PARD3B: variants seen among roughly 807,000 people sequenced by gnomAD.
PARD3B encodes par-3 family cell polarity regulator beta.
Under a neutral mutation model 130.2 loss-of-function variants are expected in PARD3B, and 103 were observed. That is an observed-to-expected ratio of 0.79 (90% CI 0.67 to 0.93). The LOEUF is 0.93. Among genes scored for constraint, PARD3B ranks in the 40% least tolerant of loss-of-function variants. PARD3B has a pLI of 0.00. For missense variants in PARD3B, 1,609 were observed against 1,499.2 expected (o/e 1.07, Z -1.21); for synonymous variants, 583 against 553.2 (o/e 1.05, Z -0.76).
intron 18 of PARD3B, among the ~76,000 whole-genome samples, chr2:205,320,175 AAGAGAGAGAG>A (rs56949957): frequency 7.9e-6 from 1 of 126,426 alleles, no homozygotes; most frequent in African/African-American, 3.1e-5. Flanking sequence ...GAAAGAAAGA[AAGAGAGAGAG>A]AGAGAGAGGA....
intron 2 of PARD3B, among the ~76,000 whole-genome samples, chr2:204,802,500 CA>C (rs2042607050): frequency 6.6e-6 from 1 of 152,062 alleles, no homozygotes; most frequent in South Asian, 2.1e-4. Flanking sequence ...GGTATATACC[CA>C]AAGGATTATA....
At chr2:204,938,259 TC>T (rs1371699609) in intron 2 of PARD3B, among the ~76,000 whole-genome samples, 1 of 152,188 alleles carries the variant, frequency 6.6e-6, no homozygotes, top group African/African-American at 2.4e-5. Context: ...TCCTCTACCC[TC>T]CTGTGGGCCA....
intron 4 of PARD3B, among the ~76,000 whole-genome samples, chr2:205,093,097 G>T (rs1702204811): frequency 6.6e-6 from 1 of 152,102 alleles, no homozygotes; most frequent in African/African-American, 2.4e-5. Context: ...AACTTCGAAT[G>T]CAGAGACAGT....
At chr2:204,938,449 C>T (rs1575362622) in intron 2 of PARD3B, among the ~76,000 whole-genome samples, 2 of 152,212 alleles carry the variant, frequency 1.3e-5, no homozygotes, top group Admixed American at 1.3e-4. Context: ...CATCTTTTAG[C>T]TCTCAGCTTA....
intron 18 of PARD3B, among the ~76,000 whole-genome samples, chr2:205,364,240 C>T (rs1376272588): frequency 2.6e-5 from 4 of 152,198 alleles, no homozygotes; most frequent in Non-Finnish European, 5.9e-5. Flanking sequence ...AGCTTCAAGA[C>T]TCTGAAGTCC....
chr2:204,555,298 C>G (rs979091943), intron 1 of PARD3B, among the ~76,000 whole-genome samples: 2 of 152,130 alleles, frequency 1.3e-5, no homozygotes, highest in African/African-American at 4.8e-5. Flanking sequence ...GTGGCTCACA[C>G]CTGTAATCCT....
chr2:205,000,243 G>A (rs1276932073), intron 3 of PARD3B, among the ~76,000 whole-genome samples: 1 of 152,176 alleles, frequency 6.6e-6, no homozygotes, highest in Non-Finnish European at 1.5e-5. Context: ...GTGGTGCACA[G>A]CTTGATTTGC....
At chr2:204,940,458 T>A (rs1688811758) in intron 2 of PARD3B, among the ~76,000 whole-genome samples, 1 of 151,020 alleles carries the variant, frequency 6.6e-6, no homozygotes, top group Admixed American at 6.6e-5. Flanking sequence ...TTCATTATGT[T>A]AATGAAGTAA....
intron 19 of PARD3B, among the ~76,000 whole-genome samples, chr2:205,403,089 T>C (rs1040067660): frequency 6.6e-6 from 1 of 152,116 alleles, no homozygotes; most frequent in African/African-American, 2.4e-5. Context: ...CTTCATGATA[T>C]GGCAATGAAA....
intron 2 of PARD3B, among the ~76,000 whole-genome samples, chr2:204,793,178 CT>C (rs918680594): frequency 6.6e-6 from 1 of 151,902 alleles, no homozygotes; most frequent in Non-Finnish European, 1.5e-5. Flanking sequence ...CACTTTTTCT[CT>C]TTTTTTTCCT....
At position 204,635,004 on chromosome 2, in the gene PARD3B, A is replaced by G. The variant is rs200490709; in HGVS notation, c.121-51177A>G. Among the ~76,000 whole-genome samples the G allele has an allele frequency of 4.6e-5, 7 of 152,336 alleles. No individual in the cohort carries two copies. In the East Asian group the frequency reaches 7.7e-4, roughly 17 times the overall value. ...CTTTTTTACTGGTTTCCAGAAAAAT[A>G]TAGGTTGATTTCCCAGAATCCTCAG... On this transcript the variant is annotated intron_variant, in intron 1 of 22. Coordinates refer to ENST00000406610, the MANE Select transcript of PARD3B (RefSeq NM_001302769.2).
At chr2:205,083,251 G>T (rs1046994253) in intron 4 of PARD3B, among the ~76,000 whole-genome samples, 4 of 151,350 alleles carry the variant, frequency 2.6e-5, no homozygotes, top group Admixed American at 1.3e-4. Flanking sequence ...ATAGGAAAAG[G>T]TACTAGACTG....
At chr2:205,498,072 C>T (rs951962408) in intron 20 of PARD3B, among the ~76,000 whole-genome samples, 9 of 149,172 alleles carry the variant, frequency 6.0e-5, no homozygotes, top group Admixed American at 2.7e-4. Flanking sequence ...TGGTGGCAGG[C>T]GCCTGTAATC....
intron 2 of PARD3B, among the ~76,000 whole-genome samples, chr2:204,840,831 A>T (rs897962170): frequency 1.3e-5 from 2 of 152,202 alleles, no homozygotes; most frequent in Non-Finnish European, 2.9e-5. Flanking sequence ...TATTGCTGTA[A>T]TTATTCTTTT....
chr2:204,662,825 C>T (rs1278868436), intron 1 of PARD3B, among the ~76,000 whole-genome samples: 1 of 152,130 alleles, frequency 6.6e-6, no homozygotes, highest in Admixed American at 6.5e-5. Flanking sequence ...AATGGCAACA[C>T]AGTAAATAAG....
chr2:205,113,270 GA>G (rs1319700965), intron 5 of PARD3B, among the ~76,000 whole-genome samples: 42 of 152,186 alleles, frequency 2.8e-4, no homozygotes, highest in Non-Finnish European at 5.9e-4. Flanking sequence ...CCTCTTCTAG[GA>G]GTAAAAGTAA....
rs911468776 is a variant in PARD3B at position 205,558,398 on chromosome 2, C to T, written c.3260+4995C>T. Among the ~76,000 whole-genome samples, 20 of 152,178 alleles carry T rather than the reference C, an allele frequency of 1.3e-4. No individual in the cohort carries two copies. Among genetic ancestry groups the T allele is most frequent in the African/African-American group, 4.8e-4 (20 of 41,432 alleles). On this transcript the variant is annotated intron_variant, in intron 22 of 22. Coordinates refer to ENST00000406610, the MANE Select transcript of PARD3B (RefSeq NM_001302769.2). The surrounding 1 kb of genome is among the most constrained non-coding windows in gnomAD (Gnocchi z 4.8). Reference sequence around the variant, plus strand: ...ATACTCCTATTATCTCAGGACCGGGCAGTGCTGAACATGCAACTACCAGAC... The same window carrying T: ...ATACTCCTATTATCTCAGGACCGGGTAGTGCTGAACATGCAACTACCAGAC...
At position 205,461,096 on chromosome 2, in the gene PARD3B, G is replaced by T. The variant is rs1339247659; in HGVS notation, c.3044+20424G>T. On this transcript the variant is annotated intron_variant, in intron 20 of 22. Transcript: ENST00000406610. The surrounding 1 kb of genome is among the most constrained non-coding windows in gnomAD (Gnocchi z 4.3). ...ACTTTCATGGAACTTAAGACCTACAGGAGGAGACAAATATTAAATGTGTAG... is the reference window on the plus strand; with the variant it reads ...ACTTTCATGGAACTTAAGACCTACATGAGGAGACAAATATTAAATGTGTAG... Among the ~76,000 whole-genome samples, 2 of 152,192 alleles carry T rather than the reference G, an allele frequency of 1.3e-5. No individual in the cohort carries two copies. Among genetic ancestry groups the T allele is most frequent in the East Asian group, 1.9e-4 (1 of 5,194 alleles).
intron 3 of PARD3B, among the ~76,000 whole-genome samples, chr2:205,004,575 T>C (rs920648770): frequency 2.0e-5 from 3 of 152,168 alleles, no homozygotes; most frequent in Non-Finnish European, 2.9e-5. Flanking sequence ...TAAGGTAATA[T>C]TAGGAAGGCA....
Sources: allele counts gnomAD v4.1 joint callset (sites outside exome capture counted in the v4.1 genomes callset), GRCh38; gene constraint gnomAD v4.1.1; non-coding constraint Gnocchi (gnomAD v3.1); transcripts MANE v1.5; gene names NCBI Gene and HGNC (gene_info 2026-07-23, HGNC 2026-07-21).